The following KCND3 variants were observed in gnomAD, a reference collection of about 807,000 sequenced individuals.
The protein encoded by KCND3 is A-type voltage-gated potassium channel KCND3.
In KCND3, 9 loss-of-function variants were observed where a neutral mutation model predicts 51.1. The ratio of observed to expected loss-of-function variants is 0.18; its 90% confidence interval spans 0.11 to 0.31. The LOEUF (loss-of-function observed/expected upper bound fraction) is 0.31. Ranked by LOEUF, KCND3 falls within the 10% of genes least tolerant of loss-of-function variation. KCND3 has a pLI of 1.00. For synonymous variants in KCND3, 349 were observed against 368.0 expected (o/e 0.95, Z 0.59); for missense variants, 526 against 903.8 (o/e 0.58, Z 5.36).
At chr1:111,832,457 C>A (rs1403385999) in intron 2 of KCND3, among the ~76,000 whole-genome samples, 1 of 152,148 alleles carries the variant, frequency 6.6e-6, no homozygotes, top group Non-Finnish European at 1.5e-5. Flanking sequence ...TATAATTCTC[C>A]AATCATCTAT....
At chr1:111,972,410 G>T (rs929422254) in intron 2 of KCND3, among the ~76,000 whole-genome samples, 1 of 152,032 alleles carries the variant, frequency 6.6e-6, no homozygotes, top group Non-Finnish European at 1.5e-5. Flanking sequence ...CTGACCTCGT[G>T]ATCCGCCCGC....
intron 1 of KCND3, among the ~76,000 whole-genome samples, chr1:111,984,035 A>T (rs1342830191): frequency 1.8e-4 from 28 of 152,356 alleles, no homozygotes; most frequent in Non-Finnish European, 1.9e-4. Context: ...TGGGGTTGAC[A>T]CACTCATCTC....
chr1:111,851,939 C>T (rs1420408357), intron 2 of KCND3, among the ~76,000 whole-genome samples: 1 of 152,224 alleles, frequency 6.6e-6, no homozygotes, highest in African/African-American at 2.4e-5. Flanking sequence ...TGGTTTGGCT[C>T]CCTATAGCCT....
At chr1:111,856,921 C>T (rs1177798767) in intron 2 of KCND3, 2 of 152,264 alleles carry the variant, frequency 1.3e-5, no homozygotes, top group African/African-American at 2.4e-5. Context: ...GCCTGTCTAC[C>T]TTGTTAACTG....
intron 2 of KCND3, chr1:111,853,673 C>T (rs1270196421): frequency 6.6e-6 from 1 of 152,284 alleles, no homozygotes; most frequent in Non-Finnish European, 1.5e-5. Context: ...CTGTTCCCTA[C>T]TAGAGTGTAA....
At chr1:111,894,981 G>A (rs1670027321) in intron 2 of KCND3, among the ~76,000 whole-genome samples, 1 of 151,538 alleles carries the variant, frequency 6.6e-6, no homozygotes, top group Non-Finnish European at 1.5e-5. Context: ...GGGGAAAAGA[G>A]GGAAGGGAGA....
At chr1:111,906,975 C>G (rs1173109398) in intron 2 of KCND3, among the ~76,000 whole-genome samples, 3 of 152,244 alleles carry the variant, frequency 2.0e-5, no homozygotes, top group Non-Finnish European at 2.9e-5. Flanking sequence ...ACACCCACTC[C>G]CCTCTTCTGG....
At chr1:111,778,295 G>C (rs1350748500) in intron 6 of KCND3, 141 bp downstream of exon 6, 3 of 819,960 alleles carry the variant, frequency 3.7e-6, no homozygotes, top group Non-Finnish European at 4.4e-6. Flanking sequence ...CTGGTGCTGG[G>C]TGTGACAGCA....
At chr1:111,816,408 G>T (rs1389070039) in intron 2 of KCND3, among the ~76,000 whole-genome samples, 3 of 152,252 alleles carry the variant, frequency 2.0e-5, no homozygotes. Context: ...GCGTGCATTC[G>T]CACGGAGCTT....
chr1:111,840,893 T>C (rs972419213), intron 2 of KCND3, among the ~76,000 whole-genome samples: 7 of 152,168 alleles, frequency 4.6e-5, no homozygotes, highest in African/African-American at 1.7e-4. Context: ...ATGCAGCAAC[T>C]ACAATGGCCA....
At chr1:111,972,929 T>G (rs1173535394) in intron 2 of KCND3, among the ~76,000 whole-genome samples, 1 of 152,252 alleles carries the variant, frequency 6.6e-6, no homozygotes, top group Non-Finnish European at 1.5e-5. Context: ...TCTGCTTAAG[T>G]ATGCGTGTCC....
At chr1:111,806,499 G>T (rs1366820111) in intron 2 of KCND3, among the ~76,000 whole-genome samples, 1 of 152,156 alleles carries the variant, frequency 6.6e-6, no homozygotes, top group Non-Finnish European at 1.5e-5. Flanking sequence ...TTTAACCATT[G>T]TTTTCTCATC....
intron 2 of KCND3, among the ~76,000 whole-genome samples, chr1:111,802,362 T>A (rs1466857430): frequency 6.6e-6 from 1 of 152,216 alleles, no homozygotes; most frequent in East Asian, 1.9e-4. Flanking sequence ...TGTTTCACAC[T>A]TGCCTGCCCC....
intron 2 of KCND3, among the ~76,000 whole-genome samples, chr1:111,889,146 C>T (rs985283957): frequency 1.3e-5 from 2 of 152,192 alleles, no homozygotes; most frequent in Non-Finnish European, 2.9e-5. Context: ...TTTTCAGCAA[C>T]CTGCTGCTCT....
Position 111,780,372 on chromosome 1 carries a change from T to C in KCND3, c.1372-58A>G. On this transcript the variant is annotated intron_variant, in intron 4 of 7. Coordinates refer to ENST00000302127, the MANE Select transcript of KCND3 (RefSeq NM_001378969.1). The surrounding 1 kb of genome is among the most constrained non-coding windows in gnomAD (Gnocchi z 4.2). ...GCTGGTGGCTCTTCCCCTCTCCAGC[T>C]CCTTCATTTCTCCACTAAAGGTCAA... 6.9e-7 allele frequency: 1 copy of C among 1,453,682 alleles called. No homozygotes were observed. Among genetic ancestry groups the C allele is most frequent in the Non-Finnish European group, 9.5e-7 (1 of 1,057,784 alleles). The allele number at this position is 1,453,682 out of a possible 1,614,324, so 90.0% of individuals were successfully genotyped here.
At chr1:111,926,282 T>TAGC (rs894791166) in intron 2 of KCND3, among the ~76,000 whole-genome samples, 43 of 152,086 alleles carry the variant, frequency 2.8e-4, no homozygotes, top group African/African-American at 9.7e-4. Context: ...ACTGTGGGAG[T>TAGC]AGCAGCAGCA....
rs752864802 is a variant in KCND3 at position 111,780,700 on chromosome 1, A to G, written c.1361T>C (p.Leu454Pro). Residue 454 changes from leucine (L) to proline (P), a missense_variant, in exon 4 of 8, where the codon CTG (leucine) becomes CCG (proline). By Grantham distance (98) the Leu-to-Pro change is moderately conservative. Coordinates refer to ENST00000302127, the MANE Select transcript of KCND3 (RefSeq NM_001378969.1). The surrounding 1 kb of genome is among the most constrained non-coding windows in gnomAD (Gnocchi z 4.2). ...CCTCTAGGCACCTACCGTCAGCTCC[A>G]GCGCCTCGTTGAGGAGCCCGTTGCG... Reference protein sequence around the residue: ...SKRNGLLNEALELTGTPEEEH... With the variant: ...SKRNGLLNEAPELTGTPEEEH... 6.2e-7 allele frequency: 1 copy of G among 1,610,006 alleles called. No individual in the cohort carries two copies. Among genetic ancestry groups the G allele is most frequent in the South Asian group, 1.1e-5 (1 of 89,610 alleles).
chr1:111,903,658 C>T (rs1007612693), intron 2 of KCND3, among the ~76,000 whole-genome samples: 1 of 152,224 alleles, frequency 6.6e-6, no homozygotes, highest in Admixed American at 6.5e-5. Flanking sequence ...GAAAGAATGC[C>T]AGGCTGGCTG....
At position 111,941,056 on chromosome 1, in the gene KCND3, G is replaced by A. The variant is rs1347274902; in HGVS notation, c.1106+40565C>T. ...TAAATACTTCTCAAAGGAAAGCAGC[G>A]GGGCAGGAGGGGAAGAAGAAAGGAA... On this transcript the variant is annotated intron_variant, in intron 2 of 7. Transcript: ENST00000302127. 5.9e-5 allele frequency among the ~76,000 whole-genome samples: 9 copies of A among 152,118 alleles called. No homozygotes were observed. The East Asian group carries it at 9.6e-4, about 16-fold the overall frequency.
Sources: gnomAD v4.1 joint callset for allele counts (sites outside exome capture counted in the v4.1 genomes callset) on GRCh38, gnomAD v4.1.1 for gene constraint, Gnocchi (gnomAD v3.1) non-coding constraint, MANE v1.5 for transcripts, NCBI Gene and HGNC (gene_info 2026-07-23, HGNC 2026-07-21) for gene names.